Variants in NLK observed in about 807,000 individuals in gnomAD.
The protein encoded by NLK is nemo like kinase.
NLK carries 11 observed loss-of-function variants against 59.0 expected under a neutral mutation model. The ratio of observed to expected loss-of-function variants is 0.19; its 90% CI spans 0.12 to 0.31. The LOEUF is 0.31. NLK is among the 10% of genes least tolerant of loss of function. The pLI is 1.00. For missense variants in NLK, 410 were observed against 661.1 expected, an observed-to-expected ratio of 0.62 and a Z score of 4.16; for synonymous variants, 235 against 235.9, an observed-to-expected ratio of 1.00 and a Z score of 0.03.
intron 3 of NLK, among the ~76,000 whole-genome samples, chr17:28,154,998 C>T (rs1055582301): frequency 5.3e-5 from 8 of 152,112 alleles, no homozygotes; most frequent in Admixed American, 3.3e-4. Flanking sequence ...GATCACAGCA[C>T]AGCACTCCAG....
chr17:28,162,552 G>A (rs1422673483), intron 4 of NLK, among the ~76,000 whole-genome samples: 3 of 152,050 alleles, frequency 2.0e-5, no homozygotes, highest in Admixed American at 6.5e-5. Context: ...CAGGAGAATC[G>A]AGTGAACCCA....
At chr17:28,202,015 C>T in the NLK span, among the ~76,000 whole-genome samples, 1 of 148,672 alleles carries the variant, frequency 6.7e-6, no homozygotes, top group Non-Finnish European at 1.5e-5. Context: ...GACTCTGTCT[C>T]AAAAGGAAAA....
At chr17:28,144,388 G>A (rs374142206) in intron 3 of NLK, among the ~76,000 whole-genome samples, 3 of 143,364 alleles carry the variant, frequency 2.1e-5, no homozygotes, top group African/African-American at 7.9e-5. Context: ...CTGTGTTCCA[G>A]GTGAAGCCAA....
At chr17:28,137,896 A>G (rs1471475659) in intron 3 of NLK, among the ~76,000 whole-genome samples, 1 of 152,026 alleles carries the variant, frequency 6.6e-6, no homozygotes, top group East Asian at 1.9e-4. Flanking sequence ...TTGTCTTCAT[A>G]GTTTTTAATC....
At chr17:28,111,880 GT>G (rs1226373769) in intron 1 of NLK, among the ~76,000 whole-genome samples, 3 of 126,466 alleles carry the variant, frequency 2.4e-5, no homozygotes, top group African/African-American at 9.1e-5. Context: ...GTGTGTGTGT[GT>G]GTGTGTGTGT....
intron 7 of NLK, among the ~76,000 whole-genome samples, chr17:28,184,969 GTAAA>G (rs939132805): frequency 2.0e-5 from 3 of 151,956 alleles, no homozygotes; most frequent in South Asian, 2.1e-4. Flanking sequence ...ATAAAAATAA[GTAAA>G]TAAATAAATA....
In NLK at chr17:28,194,865, G is replaced by A; in HGVS notation, c.*229G>A. 2.6e-6 allele frequency: 1 copy of A among 379,608 alleles called. No individual in the cohort carries two copies. The highest frequency in any genetic ancestry group is 6.9e-4 in the Middle Eastern group (1 of 1,448). The allele number at this position is 379,608 out of a possible 1,614,324, so 23.5% of individuals were successfully genotyped here. A position where few individuals can be genotyped will look rare whatever the true frequency, so the allele number is the denominator to read the frequency against. Reference sequence around the variant, plus strand: ...AAATATTTTACCCAGAGTTGCACATGTTTTATGAATTTAGTGCAGCTGTTA... The same window carrying A: ...AAATATTTTACCCAGAGTTGCACATATTTTATGAATTTAGTGCAGCTGTTA... On this transcript the variant is annotated 3_prime_UTR_variant, in exon 11 of 11. Coordinates refer to ENST00000407008, the MANE Select transcript of NLK (RefSeq NM_016231.5).
chr17:28,190,991 T>C, intron 8 of NLK, 30 bp from the exon 9 acceptor site: 1 of 1,502,722 alleles, frequency 6.7e-7, no homozygotes, highest in African/African-American at 1.4e-5. Context: ...ATCTGTAGTG[T>C]TGATGTGCTG....
chr17:28,128,428 T>C (rs1365377746), intron 2 of NLK, among the ~76,000 whole-genome samples: 2 of 152,176 alleles, frequency 1.3e-5, no homozygotes, highest in Non-Finnish European at 2.9e-5. Flanking sequence ...TAGAAATAAA[T>C]GTTTTACTTG....
intron 3 of NLK, among the ~76,000 whole-genome samples, chr17:28,154,188 G>T (rs1907603706): frequency 6.6e-6 from 1 of 152,212 alleles, no homozygotes; most frequent in Non-Finnish European, 1.5e-5. Context: ...GCTACAGAAT[G>T]TCAGAAAGTC....
intron 1 of NLK, among the ~76,000 whole-genome samples, chr17:28,070,783 C>G (rs924151412): frequency 1.8e-4 from 27 of 152,208 alleles, no homozygotes; most frequent in African/African-American, 6.0e-4. Context: ...AAACACTATT[C>G]TAAAATACTA....
the NLK span, among the ~76,000 whole-genome samples, chr17:28,203,431 C>T: frequency 3.3e-5 from 5 of 152,108 alleles, no homozygotes; most frequent in African/African-American, 1.2e-4. Context: ...GGCTGGAGCA[C>T]GGGAGAATGA....
At chr17:28,065,448 C>T (rs533500369) in intron 1 of NLK, among the ~76,000 whole-genome samples, 25 of 152,052 alleles carry the variant, frequency 1.6e-4, no homozygotes, top group Non-Finnish European at 2.6e-4. Flanking sequence ...AATGTGATCG[C>T]TAAGAGATGA....
Position 28,163,740 on chromosome 17 carries a change from G to A in NLK, c.837+112G>A, listed in dbSNP as rs551869069. ...GTTCATTTCCATTACTTTACCAAAA[G>A]TTAACCCAGTTTTCTCCATATCACT... On this transcript the variant is annotated intron_variant, in intron 5 of 10. Transcript: ENST00000407008. 17 of 656,642 alleles carry A rather than the reference G, an allele frequency of 2.6e-5. No individual in the cohort carries two copies. The South Asian group carries it at 3.1e-4, about 12-fold the overall frequency. The allele number at this position is 656,642 out of a possible 1,614,324, so 40.7% of individuals were successfully genotyped here.
chr17:28,123,616 A>G (rs543237686), intron 2 of NLK, among the ~76,000 whole-genome samples: 4 of 152,338 alleles, frequency 2.6e-5, no homozygotes, highest in African/African-American at 7.2e-5. Flanking sequence ...TTTTATCTCA[A>G]TATTTTAAAT....
rs368691258 is a variant in NLK, at chr17:28,163,553, T to C, written c.762T>C (p.Tyr254=). 40 of 1,593,932 alleles carry C rather than the reference T, an allele frequency of 2.5e-5. No homozygotes were observed. Among genetic ancestry groups the C allele is most frequent in the Middle Eastern group, 3.3e-4 (2 of 6,026 alleles). Residue 254 remains tyrosine (Y), a synonymous_variant, in exon 5 of 11, where the codon TAT becomes TAC. Coordinates refer to ENST00000407008, the MANE Select transcript of NLK (RefSeq NM_016231.5). ...FLYQILRGLK[Y]LHSAGILHRD... Reference sequence around the variant, plus strand: ...TGTTTGTTATTTCAGGTTTGAAATATCTCCATTCAGCTGGCATTTTACATC... The same window carrying C: ...TGTTTGTTATTTCAGGTTTGAAATACCTCCATTCAGCTGGCATTTTACATC...
rs1343604475 is a variant in NLK, at chr17:28,052,464, T to C, written c.458+9133T>C. Among the ~76,000 whole-genome samples the C allele has an allele frequency of 2.6e-5, 4 of 152,272 alleles. No homozygotes were observed. In the East Asian group the frequency reaches 7.7e-4, roughly 29 times the overall value. On this transcript the variant is annotated intron_variant, in intron 1 of 10. Transcript: ENST00000407008. ...CCAGAAAATGAGCTTTGACACAGCT[T>C]TCAGGCTGTAGTAGTTTAGGGCTTA...
chr17:28,105,590 T>C (rs1371490620), intron 1 of NLK, among the ~76,000 whole-genome samples: 1 of 152,196 alleles, frequency 6.6e-6, no homozygotes, highest in African/African-American at 2.4e-5. Context: ...TAGTAAAAAA[T>C]TGATTTGGGA....
At chr17:28,062,885 T>C (rs762378387) in intron 1 of NLK, among the ~76,000 whole-genome samples, 20 of 152,196 alleles carry the variant, frequency 1.3e-4, no homozygotes, top group Non-Finnish European at 2.6e-4. Flanking sequence ...CCTGCCGGGA[T>C]AAATAACTTT....
Sources: allele counts gnomAD v4.1 joint callset (sites outside exome capture counted in the v4.1 genomes callset), GRCh38; gene constraint gnomAD v4.1.1; transcripts MANE v1.5; gene names NCBI Gene and HGNC (gene_info 2026-07-23, HGNC 2026-07-21).